EPHA6: variants seen among roughly 807,000 people sequenced by gnomAD.
EPHA6 encodes the protein ephrin type-A receptor 6.
In EPHA6, 50 loss-of-function variants were observed where a neutral mutation model predicts 112.0. That is an observed-to-expected ratio of 0.45 (90% confidence interval 0.36 to 0.56). The LOEUF is 0.56. Ranked by LOEUF, EPHA6 falls within the 20% of genes least tolerant of loss-of-function variation. The pLI is 0.00. For missense variants in EPHA6, 1,280 were observed against 1,417.4 expected (o/e 0.90, Z 1.56); for synonymous variants, 529 against 490.7 (o/e 1.08, Z -1.03).
intron 6 of EPHA6, among the ~76,000 whole-genome samples, chr3:97,419,422 A>G (rs1294360577): frequency 6.6e-6 from 1 of 152,086 alleles, no homozygotes; most frequent in African/African-American, 2.4e-5. Context: ...CCAGCAGTTC[A>G]AGACCAGCCT....
intron 4 of EPHA6, among the ~76,000 whole-genome samples, chr3:97,243,234 C>T (rs939909033): frequency 6.6e-6 from 1 of 151,884 alleles, no homozygotes; most frequent in Non-Finnish European, 1.5e-5. Flanking sequence ...GTTTAAAGGA[C>T]ACACCTACTT....
intron 7 of EPHA6, among the ~76,000 whole-genome samples, chr3:97,469,932 A>T (rs2091175171): frequency 6.6e-6 from 1 of 151,630 alleles, no homozygotes; most frequent in South Asian, 2.1e-4. Context: ...GCAGGATGAA[A>T]AACTTGACTC....
chr3:97,586,506 G>C (rs1398692286), intron 11 of EPHA6, among the ~76,000 whole-genome samples: 1 of 151,904 alleles, frequency 6.6e-6, no homozygotes, highest in Non-Finnish European at 1.5e-5. Context: ...TTCTGTTAGT[G>C]AAGGAAATAA....
At chr3:97,289,033 T>C (rs1303831459) in intron 5 of EPHA6, among the ~76,000 whole-genome samples, 1 of 151,754 alleles carries the variant, frequency 6.6e-6, no homozygotes, top group Non-Finnish European at 1.5e-5. Flanking sequence ...CCATTCTGTA[T>C]GTTGTCTACT....
intron 2 of EPHA6, among the ~76,000 whole-genome samples, chr3:96,951,435 A>G (rs906039098): frequency 1.3e-5 from 2 of 152,198 alleles, no homozygotes; most frequent in African/African-American, 4.8e-5. Context: ...ACTCTTTGCT[A>G]AGAGAATTCA....
intron 1 of EPHA6, among the ~76,000 whole-genome samples, chr3:96,823,994 A>G (rs2033472378): frequency 6.6e-6 from 1 of 151,840 alleles, no homozygotes; most frequent in Non-Finnish European, 1.5e-5. Context: ...GCAAAAAGGT[A>G]CTTATAGTAT....
At chr3:97,572,646 T>C (rs1405322236) in intron 11 of EPHA6, 2 of 152,164 alleles carry the variant, frequency 1.3e-5, no homozygotes, top group Non-Finnish European at 2.9e-5. Flanking sequence ...CTCAGAAAAG[T>C]ATACAAGTAT....
intron 14 of EPHA6, among the ~76,000 whole-genome samples, chr3:97,644,967 G>A (rs921775554): frequency 5.9e-5 from 9 of 151,372 alleles, no homozygotes; most frequent in Non-Finnish European, 1.0e-4. Flanking sequence ...TACCAAAGCC[G>A]GGCAGAGACA....
In EPHA6 at chr3:97,669,192, C is replaced by T. The variant is rs1576248649; in HGVS notation, c.2784+31110C>T. ...GGCATCATAGCATTGTAGCAAGTCT[C>T]TAAAATACTAAGATCTTTCATATGT... is the stretch of plus-strand genomic sequence containing the variant. On this transcript the variant is annotated intron_variant, in intron 14 of 17. Coordinates refer to ENST00000389672, the MANE Select transcript of EPHA6 (RefSeq NM_001080448.3). Among the ~76,000 whole-genome samples, 4 of 151,730 alleles carry T rather than the reference C, an allele frequency of 2.6e-5. No individual in the cohort carries two copies. The South Asian group carries it at 8.3e-4, about 31-fold the overall frequency.
intron 5 of EPHA6, among the ~76,000 whole-genome samples, chr3:97,385,385 CTA>C (rs2086000525): frequency 6.6e-6 from 1 of 152,006 alleles, no homozygotes; most frequent in South Asian, 2.1e-4. Flanking sequence ...TGTAATAACT[CTA>C]TTTAAATATA....
intron 5 of EPHA6, among the ~76,000 whole-genome samples, chr3:97,279,389 C>T (rs1194182443): frequency 5.3e-5 from 8 of 151,846 alleles, no homozygotes; most frequent in Non-Finnish European, 1.2e-4. Context: ...AAGAAAATAT[C>T]TCTAACAAGG....
chr3:97,567,886 AG>A (rs936272195), intron 11 of EPHA6, among the ~76,000 whole-genome samples: 6 of 152,180 alleles, frequency 3.9e-5, no homozygotes, highest in Non-Finnish European at 5.9e-5. Flanking sequence ...GAGAAGGTTT[AG>A]GCCAGAGTGG....
At chr3:96,922,995 A>G (rs1256398851) in intron 2 of EPHA6, among the ~76,000 whole-genome samples, 2 of 152,226 alleles carry the variant, frequency 1.3e-5, no homozygotes, top group African/African-American at 4.8e-5. Context: ...GCTGCATAGT[A>G]TTCCATTGTG....
Position 96,814,768 on chromosome 3 carries a change from C to A in EPHA6, c.145C>A (p.Pro49Thr). The A allele has an allele frequency of 1.2e-6, 2 of 1,602,328 alleles. No homozygotes were observed. The highest frequency in any genetic ancestry group is 1.7e-6 in the Non-Finnish European group (2 of 1,173,374). ...CTCGCGCAGGGGGCGCCCCGGGACA[C>A]CCCCTGCGGGCCGGGTGGAGGAGGA... is the stretch of plus-strand genomic sequence containing the variant. ...GTSRRGRPGT[P>T]PAGRVEEEEE... Residue 49 changes from proline (P) to threonine (T), a missense_variant, in exon 1 of 18, where the codon CCC becomes ACC. By Grantham distance (38) the Pro-to-Thr change is conservative. This residue lies in a region of EPHA6 where 220 missense variants were observed against 171.5 expected (regional missense o/e 1.28). Coordinates refer to ENST00000389672, the MANE Select transcript of EPHA6 (RefSeq NM_001080448.3).
At chr3:96,866,437 A>T (rs1333071835) in intron 1 of EPHA6, among the ~76,000 whole-genome samples, 1 of 152,000 alleles carries the variant, frequency 6.6e-6, no homozygotes, top group Non-Finnish European at 1.5e-5. Context: ...AGAATCAAGA[A>T]ATCTGCTTTA....
At chr3:97,468,426 C>T (rs2091127117) in intron 7 of EPHA6, among the ~76,000 whole-genome samples, 2 of 136,470 alleles carry the variant, frequency 1.5e-5, no homozygotes, top group African/African-American at 2.8e-5. Context: ...AAAAAATGAC[C>T]CACATTATTT....
chr3:97,173,038 T>A (rs747755198), intron 3 of EPHA6, among the ~76,000 whole-genome samples: 13 of 151,934 alleles, frequency 8.6e-5, no homozygotes, highest in Non-Finnish European at 1.3e-4. Flanking sequence ...TGACTTGCCA[T>A]GTTTTGTCAT....
chr3:97,703,032 C>T (rs1479597080), intron 14 of EPHA6, among the ~76,000 whole-genome samples: 6 of 152,094 alleles, frequency 3.9e-5, no homozygotes, highest in Non-Finnish European at 7.4e-5. Flanking sequence ...CATTTTAGGG[C>T]TCATGAGAAA....
At chr3:97,662,884 T>G (rs967954283) in intron 14 of EPHA6, among the ~76,000 whole-genome samples, 1 of 152,204 alleles carries the variant, frequency 6.6e-6, no homozygotes, top group African/African-American at 2.4e-5. Flanking sequence ...CCAATATGCA[T>G]GTACTGCAAC....
Sources: gnomAD v4.1 joint callset for allele counts (sites outside exome capture counted in the v4.1 genomes callset) on GRCh38, gnomAD v4.1.1 for gene constraint, gnomAD v4.1.1 regional missense constraint, MANE v1.5 for transcripts, NCBI Gene and HGNC (gene_info 2026-07-23, HGNC 2026-07-21) for gene names.